Variants in TASP1 observed in about 807,000 individuals in gnomAD.
TASP1 encodes the protein threonine aspartase 1.
Under a neutral mutation model 56.6 loss-of-function variants are expected in TASP1, and 16 were observed. The observed-to-expected ratio is 0.28, with a 90% CI of 0.19 to 0.43. TASP1 has a LOEUF of 0.43. Among genes scored for constraint, TASP1 ranks in the 20% least tolerant of loss-of-function variants. The pLI, the probability that TASP1 is intolerant of heterozygous loss-of-function variation, is 1.00. For synonymous variants in TASP1, 179 were observed against 184.2 expected, an observed-to-expected ratio of 0.97 and a Z score of 0.23; for missense variants, 393 against 511.6, an observed-to-expected ratio of 0.77 and a Z score of 2.24.
intron 11 of TASP1, among the ~76,000 whole-genome samples, chr20:13,462,689 T>A (rs2044098948): frequency 6.6e-6 from 1 of 152,126 alleles, no homozygotes; most frequent in African/African-American, 2.4e-5. Context: ...AATTAATGCA[T>A]GCTTGTTCTT....
intron 3 of TASP1, among the ~76,000 whole-genome samples, chr20:13,623,949 G>T (rs747188608): frequency 4.1e-4 from 63 of 152,010 alleles, no homozygotes; most frequent in Non-Finnish European, 7.5e-4. Context: ...CAGTCACAGG[G>T]GCATGCCAGA....
intron 8 of TASP1, among the ~76,000 whole-genome samples, chr20:13,544,073 A>T (rs1329351218): frequency 6.6e-6 from 1 of 152,156 alleles, no homozygotes; most frequent in Non-Finnish European, 1.5e-5. Context: ...AGTAATCCTT[A>T]TTTCTGGAAG....
the TASP1 span, among the ~76,000 whole-genome samples, chr20:13,127,434 A>C: frequency 6.6e-6 from 1 of 152,204 alleles, no homozygotes; most frequent in Non-Finnish European, 1.5e-5. Context: ...TATCCTGGCC[A>C]CTGGACTGTA....
chr20:13,455,130 G>A (rs751494527), intron 11 of TASP1, among the ~76,000 whole-genome samples: 7 of 152,040 alleles, frequency 4.6e-5, no homozygotes, highest in Non-Finnish European at 1.0e-4. Context: ...GGAAAAATGA[G>A]AGCCATTAAC....
chr20:13,396,398 T>G (rs1047033299), intron 13 of TASP1, among the ~76,000 whole-genome samples: 8 of 152,220 alleles, frequency 5.3e-5, no homozygotes, highest in African/African-American at 1.4e-4. Context: ...CTTCTTAATA[T>G]AGTCTAGAAT....
chr20:13,387,543 T>G (rs1212278629), downstream of TASP1, among the ~76,000 whole-genome samples: 1 of 152,192 alleles, frequency 6.6e-6, no homozygotes, highest in Non-Finnish European at 1.5e-5. Context: ...TGTACCACAT[T>G]TTCTTTATCT....
the TASP1 span, among the ~76,000 whole-genome samples, chr20:13,241,910 A>G: frequency 6.6e-6 from 1 of 152,100 alleles, no homozygotes; most frequent in Non-Finnish European, 1.5e-5. Flanking sequence ...AGTCAAATAT[A>G]TAAGGAGAAG....
chr20:13,110,051 A>G, the TASP1 span: 1 of 1,407,048 alleles, frequency 7.1e-7, no homozygotes, highest in Non-Finnish European at 9.7e-7. Flanking sequence ...GGAAAAAGAA[A>G]GTGGAAAAGG....
At chr20:13,494,387 A>C (rs1447268223) in intron 10 of TASP1, among the ~76,000 whole-genome samples, 1 of 152,212 alleles carries the variant, frequency 6.6e-6, no homozygotes, top group Admixed American at 6.5e-5. Flanking sequence ...AGAGGCTTGC[A>C]ATAGGCAGAT....
the TASP1 span, among the ~76,000 whole-genome samples, chr20:13,148,565 A>T: frequency 2.6e-5 from 4 of 152,178 alleles, no homozygotes; most frequent in East Asian, 5.8e-4. Context: ...GCCAAACAAG[A>T]GGCTACCACA....
chr20:13,159,576 A>G, the TASP1 span, among the ~76,000 whole-genome samples: 5 of 152,250 alleles, frequency 3.3e-5, no homozygotes, highest in Non-Finnish European at 1.5e-5. Context: ...TTTATAAAAC[A>G]TATAGGTTTA....
chr20:13,618,914 C>A (rs1003704839), intron 4 of TASP1, among the ~76,000 whole-genome samples: 2 of 151,736 alleles, frequency 1.3e-5, no homozygotes, highest in African/African-American at 4.8e-5. Context: ...GTAGCCCAGG[C>A]TGGAGTGCAG....
chr20:13,210,593 T>G, the TASP1 span, among the ~76,000 whole-genome samples: 1 of 149,774 alleles, frequency 6.7e-6, no homozygotes, highest in Non-Finnish European at 1.5e-5. Flanking sequence ...ATAAATGGGT[T>G]GTTGTGTGTT....
At chr20:13,289,378 C>T in the TASP1 span, among the ~76,000 whole-genome samples, 1 of 152,154 alleles carries the variant, frequency 6.6e-6, no homozygotes, top group Non-Finnish European at 1.5e-5. Flanking sequence ...CAGAGAGTTG[C>T]CAAAGGCTCC....
At chr20:13,258,404 A>G in the TASP1 span, among the ~76,000 whole-genome samples, 1 of 152,044 alleles carries the variant, frequency 6.6e-6, no homozygotes. Flanking sequence ...TGGATACTAG[A>G]GCATCCTTGG....
intron 12 of TASP1, among the ~76,000 whole-genome samples, chr20:13,421,899 A>G (rs373967808): frequency 6.6e-6 from 1 of 151,564 alleles, no homozygotes; most frequent in African/African-American, 2.4e-5. Context: ...TGGTCAAAAC[A>G]TTTTTAATAG....
the TASP1 span, chr20:13,270,609 C>G: frequency 6.2e-7 from 1 of 1,613,990 alleles, no homozygotes; most frequent in Non-Finnish European, 8.5e-7. Context: ...CCAACCCTTC[C>G]CCAGACCGCG....
At chr20:13,279,526 C>T in the TASP1 span, 9 of 1,092,156 alleles carry the variant, frequency 8.2e-6, no homozygotes, top group South Asian at 7.8e-5. Flanking sequence ...TCCTTCACAA[C>T]GGATGCATCC....
the TASP1 span, among the ~76,000 whole-genome samples, chr20:13,297,471 A>C: frequency 1.4e-3 from 214 of 152,230 alleles, no homozygotes; most frequent in African/African-American, 4.8e-3. Context: ...TTTTCACTGG[A>C]ATCTTTTTGT....
Sources: allele counts gnomAD v4.1 joint callset (sites outside exome capture counted in the v4.1 genomes callset), GRCh38; gene constraint gnomAD v4.1.1; transcripts MANE v1.5; gene names NCBI Gene and HGNC (gene_info 2026-07-23, HGNC 2026-07-21).